ASB1: variants seen among roughly 807,000 people sequenced by gnomAD.
ASB1 encodes the protein ankyrin repeat and SOCS box protein 1.
A neutral mutation model predicts 27.7 loss-of-function variants in ASB1; 18 were observed. The ratio of observed to expected loss-of-function variants is 0.65; its 90% CI spans 0.45 to 0.96. ASB1 has a LOEUF of 0.96. ASB1 is among the 50% of genes least tolerant of loss of function. ASB1 has a pLI of 0.00. For missense variants in ASB1, 397 were observed against 451.7 expected, an observed-to-expected ratio of 0.88 and a Z score of 1.10; for synonymous variants, 189 against 187.6, an observed-to-expected ratio of 1.01 and a Z score of -0.06.
rs1701967397 is a variant in ASB1, at chr2:238,436,148, C to T, written c.494+135C>T. 9 of 754,530 alleles carry T rather than the reference C, an allele frequency of 1.2e-5. No individual in the cohort carries two copies. The South Asian group carries it at 2.3e-4, about 19-fold the overall frequency. The allele number at this position is 754,530 out of a possible 1,614,324, so 46.7% of individuals were successfully genotyped here. The stretch of plus-strand genomic sequence containing the variant: ...TGCTGGCCTTTGTAAAGAGCTGCCT[C>T]TTGGCTTTATCAGGTCTCTTTGTTT... On this transcript the variant is annotated intron_variant, in intron 3 of 4. Transcript: ENST00000264607.
Position 238,444,737 on chromosome 2 carries a change from T to G in ASB1, c.880+10T>G, listed in dbSNP as rs374170282. 1 of 1,595,606 alleles carries G rather than the reference T, an allele frequency of 6.3e-7. No individual in the cohort carries two copies. Among genetic ancestry groups the G allele is most frequent in the Non-Finnish European group, 8.5e-7 (1 of 1,170,168 alleles). On this transcript the variant is annotated intron_variant, in intron 4 of 4. Transcript: ENST00000264607. ...TTTAAAGAGGCCAGAAGTAAGTGGC[T>G]TGAGTTCAGCTCTGACTTGTGGGCT...
intron 3 of ASB1, among the ~76,000 whole-genome samples, chr2:238,440,921 A>G (rs3769125): frequency 0.093 from 14,148 of 152,202 alleles, 754 homozygotes; most frequent in Non-Finnish European, 0.12. Flanking sequence ...ATGGCTGTGT[A>G]CATGCCCACG....
At chr2:238,440,474 C>T (rs1262735745) in intron 3 of ASB1, among the ~76,000 whole-genome samples, 2 of 152,230 alleles carry the variant, frequency 1.3e-5, no homozygotes, top group African/African-American at 4.8e-5. Context: ...CCCCTGCCCT[C>T]CACATACTGC....
intron 3 of ASB1, among the ~76,000 whole-genome samples, chr2:238,438,417 G>A (rs182308916): frequency 6.6e-6 from 1 of 151,930 alleles, no homozygotes; most frequent in African/African-American, 2.4e-5. Flanking sequence ...AGCCAGGATG[G>A]TCTTGATCTC....
At chr2:238,445,092 C>T (rs1233965886) in intron 4 of ASB1, among the ~76,000 whole-genome samples, 1 of 151,518 alleles carries the variant, frequency 6.6e-6, no homozygotes, top group African/African-American at 2.4e-5. Context: ...TGCAATCCTC[C>T]CACCTCAGCC....
chr2:238,436,034 C>G lies in ASB1; in HGVS notation c.494+21C>G, dbSNP rs770152431. 4.5e-6 allele frequency: 7 copies of G among 1,551,750 alleles called. No individual in the cohort carries two copies. In the East Asian group the frequency reaches 6.9e-5, roughly 15 times the overall value. On this transcript the variant is annotated intron_variant, in intron 3 of 4. Transcript: ENST00000264607. ...ATCAGGCCAGTACTGTGGAGCTCGC[C>G]TGGCTCCTGCAGCCACTTTATTTTT...
chr2:238,433,725 G>A (rs1211339477), intron 2 of ASB1, 30 bp downstream of exon 2: 44 of 1,610,996 alleles, frequency 2.7e-5, no homozygotes, highest in Non-Finnish European at 3.7e-5. Context: ...GCTGGTCCGG[G>A]TACTAGGGCC....
chr2:238,436,224 G>A (rs1330653269), intron 3 of ASB1, among the ~76,000 whole-genome samples: 1 of 151,314 alleles, frequency 6.6e-6, no homozygotes, highest in Admixed American at 6.6e-5. Flanking sequence ...CTAATTTTTA[G>A]TTTTTTTTCC....
In ASB1 at chr2:238,444,615, G is replaced by A. The variant is rs1301706473; in HGVS notation, c.768G>A (p.Leu256=). 1 of 1,614,152 alleles carries A rather than the reference G, an allele frequency of 6.2e-7. No homozygotes were observed. The highest frequency in any genetic ancestry group is 2.2e-5 in the East Asian group (1 of 44,874). Residue 256 remains leucine, a synonymous_variant, in exon 4 of 5, where the codon CTG becomes CTA. Coordinates refer to ENST00000264607, the MANE Select transcript of ASB1 (RefSeq NM_001040445.3). ...GTGAGGCAGCCTTCGTGAGCCTGCTGGTAGAATTTGGAGCCAACCTGAATC... is the reference window on the plus strand; with the variant it reads ...GTGAGGCAGCCTTCGTGAGCCTGCTAGTAGAATTTGGAGCCAACCTGAATC... ...HGCEAAFVSL[L]VEFGANLNLV...
Position 238,433,494 on chromosome 2 carries a change from CT to C in ASB1, c.50-56del, listed in dbSNP as rs1257925668. Reference sequence around the variant, plus strand: ...GAAGGCTCGCTGCAGATGGCACCCCCTTTTGGTTAGTCTTGGCAGGGCCTCC... The same window carrying C: ...GAAGGCTCGCTGCAGATGGCACCCCCTTTGGTTAGTCTTGGCAGGGCCTCC... On this transcript the variant is annotated intron_variant, in intron 1 of 4. Transcript: ENST00000264607. 4 of 1,589,860 alleles carry C rather than the reference CT, an allele frequency of 2.5e-6. No homozygotes were observed. In the African/African-American group the frequency reaches 5.4e-5, roughly 21 times the overall value.
Position 238,433,573 on chromosome 2 carries a change from G to A in ASB1, c.69G>A (p.Trp23Ter). 1 of 1,614,142 alleles carries A rather than the reference G, an allele frequency of 6.2e-7. No individual in the cohort carries two copies. Among genetic ancestry groups the A allele is most frequent in the Non-Finnish European group, 8.5e-7 (1 of 1,180,020 alleles). Residue 23 changes from tryptophan to a stop codon, truncating the protein, a stop_gained, in exon 2 of 5, where the codon TGG (tryptophan) becomes TGA (stop). Transcript: ENST00000264607. LOFTEE classifies it high-confidence loss of function. The part of the protein sequence containing the change: ...PGSAGRNLKE[W>*]LREQFCDHPL... ...GTGCAGGTCGTAATCTGAAGGAGTGGCTGAGGGAGCAATTTTGTGATCATC... is the reference window on the plus strand; with the variant it reads ...GTGCAGGTCGTAATCTGAAGGAGTGACTGAGGGAGCAATTTTGTGATCATC...
In ASB1 at chr2:238,450,119, T is replaced by C. The variant is rs1199683607; in HGVS notation, c.*3608T>C. 1 of 152,314 alleles carries C rather than the reference T, an allele frequency of 6.6e-6. No individual in the cohort carries two copies. The highest frequency in any genetic ancestry group is 2.4e-5 in the African/African-American group (1 of 41,458). 9.4% of individuals were successfully genotyped at this position (152,314 alleles called of 1,614,324 possible). A position where few individuals can be genotyped will look rare whatever the true frequency, so the allele number is the denominator to read the frequency against. The stretch of plus-strand genomic sequence containing the variant: ...TGCTGTCCTGGTGACTTGTCCCTCT[T>C]CTTAGTGGAAATGCATTTGAGATGG... On this transcript the variant is annotated 3_prime_UTR_variant, in exon 5 of 5. Transcript: ENST00000264607.
intron 3 of ASB1, among the ~76,000 whole-genome samples, chr2:238,436,584 A>C (rs541674254): frequency 6.6e-6 from 1 of 152,120 alleles, no homozygotes; most frequent in Non-Finnish European, 1.5e-5. Flanking sequence ...CTGCAGCCTC[A>C]AACTCCTGGG....
chr2:238,427,630 CACA>C (rs764661702), intron 1 of ASB1: 3 of 153,372 alleles, frequency 2.0e-5, no homozygotes, highest in South Asian at 2.1e-4. Context: ...TCGTCAGTGA[CACA>C]ACATGTCCAG....
At chr2:238,435,662 C>T (rs1395319692) in intron 2 of ASB1, 49 bp from the exon 3 acceptor site, 2 of 1,556,130 alleles carry the variant, frequency 1.3e-6, no homozygotes, top group East Asian at 4.6e-5. Context: ...TGCAGCCCGT[C>T]CCTGTCCTGC....
chr2:238,445,539 T>C (rs1350590869), intron 4 of ASB1, among the ~76,000 whole-genome samples: 1 of 152,206 alleles, frequency 6.6e-6, no homozygotes, highest in Non-Finnish European at 1.5e-5. Flanking sequence ...AATGCATCAA[T>C]AGCACCAGAG....
intron 4 of ASB1, among the ~76,000 whole-genome samples, chr2:238,445,335 C>T (rs1459107096): frequency 1.3e-5 from 2 of 152,154 alleles, no homozygotes; most frequent in Non-Finnish European, 2.9e-5. Flanking sequence ...TTCTTATAGA[C>T]AGTGACTTCT....
chr2:238,446,611 C>A lies in ASB1; in HGVS notation c.*100C>A. The A allele has an allele frequency of 6.8e-7, 1 of 1,469,266 alleles. No individual in the cohort carries two copies. The highest frequency in any genetic ancestry group is 9.4e-7 in the Non-Finnish European group (1 of 1,062,802). 91.0% of individuals were successfully genotyped at this position (1,469,266 alleles called of 1,614,324 possible). A position where few individuals can be genotyped will look rare whatever the true frequency, so the allele number is the denominator to read the frequency against. On this transcript the variant is annotated 3_prime_UTR_variant, in exon 5 of 5. Coordinates refer to ENST00000264607, the MANE Select transcript of ASB1 (RefSeq NM_001040445.3). ...TGTGCTGCTGCTGGTCTCCTGATGG[C>A]TGTTGCTGCAGAAGATGTCCTCGTA...
rs751570122 is a variant in ASB1 at position 238,449,780 on chromosome 2, A to G, written c.*3269A>G. 6.6e-6 allele frequency: 1 copy of G among 152,220 alleles called. No individual in the cohort carries two copies. The highest frequency in any genetic ancestry group is 1.5e-5 in the Non-Finnish European group (1 of 68,036). 9.4% of individuals were successfully genotyped at this position (152,220 alleles called of 1,614,324 possible). ...TGTACTTGTTAAACAGGTAATTTTA[A>G]AGAGAAGGAACAATTGTTTTTAGTA... is the stretch of plus-strand genomic sequence containing the variant. On this transcript the variant is annotated 3_prime_UTR_variant, in exon 5 of 5. Coordinates refer to ENST00000264607, the MANE Select transcript of ASB1 (RefSeq NM_001040445.3).
Sources: gnomAD v4.1 joint callset for allele counts (sites outside exome capture counted in the v4.1 genomes callset) on GRCh38, gnomAD v4.1.1 for gene constraint, MANE v1.5 for transcripts, NCBI Gene and HGNC (gene_info 2026-07-23, HGNC 2026-07-21) for gene names.